The following TBC1D21 variants were observed in gnomAD, a reference collection of about 807,000 sequenced individuals.
TBC1D21 encodes TBC1 domain family member 21, also known as male germ cell Rab GTPase-activating protein.
A neutral mutation model predicts 46.0 loss-of-function variants in TBC1D21; 38 were observed. The ratio of observed to expected loss-of-function variants is 0.83; its 90% CI spans 0.64 to 1.08. The LOEUF (loss-of-function observed/expected upper bound fraction) is 1.08. TBC1D21 is among the 50% of genes least tolerant of loss of function. TBC1D21 has a pLI of 0.00. For synonymous variants in TBC1D21, 151 were observed against 157.2 expected (o/e 0.96, Z 0.29); for missense variants, 415 against 417.9 (o/e 0.99, Z 0.06).
Position 73,876,233 on chromosome 15 carries a change from T to G in TBC1D21, c.60+2464T>G, listed in dbSNP as rs1439600472. Among the ~76,000 whole-genome samples, 34 of 117,412 alleles carry G rather than the reference T, an allele frequency of 2.9e-4. 5 individuals carry two copies. The highest frequency in any genetic ancestry group is 9.2e-4 in the African/African-American group (27 of 29,262). The allele number at this position is 117,412 out of a possible 152,430, so 77.0% of individuals were successfully genotyped here. A position where few individuals can be genotyped will look rare whatever the true frequency, so the allele number is the denominator to read the frequency against. ...TTTTTTTTTTTTTTTTTTTTTTTTT[T>G]TTTTTTTTTTTTGAGACGGAGTCTT... On this transcript the variant is annotated intron_variant, in intron 1 of 10. Coordinates refer to ENST00000300504, the MANE Select transcript of TBC1D21 (RefSeq NM_153356.3).
intron 10 of TBC1D21, among the ~76,000 whole-genome samples, 165 bp downstream of exon 10, chr15:73,888,678 C>T (rs1191521804): frequency 6.6e-6 from 1 of 150,928 alleles, no homozygotes; most frequent in Non-Finnish European, 1.5e-5. Flanking sequence ...CCTCTTCCTC[C>T]TCCTCCTCTT....
rs546805491 is a variant in TBC1D21, at chr15:73,881,322, A to G, written c.61-77A>G. The G allele has an allele frequency of 9.9e-6, 11 of 1,106,694 alleles. No homozygotes were observed. In the East Asian group the frequency reaches 2.1e-4, roughly 21 times the overall value. The allele number at this position is 1,106,694 out of a possible 1,614,324, so 68.6% of individuals were successfully genotyped here. ...CGCTTTGATACATATTGCAAAGTCC[A>G]GAACATATTATTTAAAATCACACTT... On this transcript the variant is annotated intron_variant, in intron 1 of 10. Coordinates refer to ENST00000300504, the MANE Select transcript of TBC1D21 (RefSeq NM_153356.3).
chr15:73,890,803 C>T (rs1395028466), downstream of TBC1D21, among the ~76,000 whole-genome samples: 2 of 152,202 alleles, frequency 1.3e-5, no homozygotes, highest in Admixed American at 1.3e-4. Context: ...CTTTATTACA[C>T]AGTCCTTCCC....
downstream of TBC1D21, among the ~76,000 whole-genome samples, chr15:73,893,481 A>C (rs1384162117): frequency 6.6e-6 from 1 of 151,616 alleles, no homozygotes; most frequent in African/African-American, 2.4e-5. Flanking sequence ...CCTCTCTTTC[A>C]CTCTTCTTCT....
At chr15:73,895,385 C>A in the TBC1D21 span, among the ~76,000 whole-genome samples, 1 of 152,188 alleles carries the variant, frequency 6.6e-6, no homozygotes, top group Admixed American at 6.5e-5. Flanking sequence ...TCCTGGACCA[C>A]ACCAATGGCT....
chr15:73,895,718 G>A, the TBC1D21 span, among the ~76,000 whole-genome samples: 11 of 152,218 alleles, frequency 7.2e-5, no homozygotes, highest in African/African-American at 1.7e-4. Context: ...GTCTCTTTAC[G>A]TACGGGCATG....
the TBC1D21 span, among the ~76,000 whole-genome samples, chr15:73,904,569 C>A: frequency 1.3e-5 from 2 of 152,204 alleles, no homozygotes; most frequent in African/African-American, 4.8e-5. Context: ...CTGAGTATGT[C>A]TATGGGTTCA....
downstream of TBC1D21, among the ~76,000 whole-genome samples, chr15:73,892,740 C>T (rs1361601339): frequency 2.6e-5 from 4 of 152,246 alleles, no homozygotes; most frequent in Non-Finnish European, 4.4e-5. Flanking sequence ...AGCCGAATGC[C>T]TGCCAGGCTG....
At chr15:73,876,329 G>A (rs1337665269) in intron 1 of TBC1D21, among the ~76,000 whole-genome samples, 10 of 141,968 alleles carry the variant, frequency 7.0e-5, no homozygotes, top group African/African-American at 2.1e-4. Context: ...CTGGGTTCAC[G>A]TCATTCTCCT....
downstream of TBC1D21, among the ~76,000 whole-genome samples, chr15:73,889,879 T>C (rs1395355490): frequency 6.6e-6 from 1 of 152,224 alleles, no homozygotes; most frequent in Non-Finnish European, 1.5e-5. Context: ...CCTGAGCCCC[T>C]GTCCAGCCTG....
intron 1 of TBC1D21, among the ~76,000 whole-genome samples, chr15:73,875,259 A>AAAAG (rs1555428820): frequency 4.7e-4 from 69 of 146,772 alleles, no homozygotes; most frequent in African/African-American, 1.7e-3. Flanking sequence ...AAAAAAAAAA[A>AAAAG]AAGAAGAAGA....
chr15:73,905,624 A>T, the TBC1D21 span, among the ~76,000 whole-genome samples: 449 of 152,318 alleles, frequency 2.9e-3, 3 homozygotes, highest in African/African-American at 0.011. Flanking sequence ...GAGTATTTAC[A>T]CCATGGAAAT....
chr15:73,884,784 G>T lies in TBC1D21; in HGVS notation c.371G>T (p.Arg124Leu), dbSNP rs773244982. 7 of 1,613,608 alleles carry T rather than the reference G, an allele frequency of 4.3e-6. No homozygotes were observed. Among genetic ancestry groups the T allele is most frequent in the Non-Finnish European group, 5.1e-6 (6 of 1,179,734 alleles). ...TTGCCCCTTGCTTCCAACCTAGCAC[G>T]TGACATTCAGAAAATCTATGACAAA... is the stretch of plus-strand genomic sequence containing the variant. ...NFTETRNNIA[R>L]DIQKIYDKDP... Residue 124 changes from arginine to leucine, a missense_variant, in exon 5 of 11, where the codon CGT (arginine) becomes CTT (leucine). Physicochemically the swap from Arg to Leu is moderately radical, Grantham distance 102 (BLOSUM62 -2). Transcript: ENST00000300504.
chr15:73,889,497 T>G (rs2068318663), downstream of TBC1D21, among the ~76,000 whole-genome samples: 1 of 152,214 alleles, frequency 6.6e-6, no homozygotes, highest in Non-Finnish European at 1.5e-5. Flanking sequence ...TTAATAAGGA[T>G]TAGTTCATCT....
chr15:73,886,302 G>A, intron 7 of TBC1D21, 128 bp downstream of exon 7: 4 of 928,624 alleles, frequency 4.3e-6, no homozygotes, highest in Non-Finnish European at 6.7e-6. Flanking sequence ...GCTTCTCCAG[G>A]CCCTGGGAAG....
chr15:73,881,284 A>G, intron 1 of TBC1D21, 115 bp from the exon 2 acceptor site: 1 of 698,136 alleles, frequency 1.4e-6, no homozygotes. Context: ...TTTCCGAAGT[A>G]AGTCAGGCTG....
Position 73,884,839 on chromosome 15 carries a change from G to T in TBC1D21, c.426G>T (p.Lys142Asn), listed in dbSNP as rs374835664. 2.5e-6 allele frequency: 4 copies of T among 1,614,152 alleles called. No individual in the cohort carries two copies. Among genetic ancestry groups the T allele is most frequent in the Non-Finnish European group, 8.5e-7 (1 of 1,180,012 alleles). ...CCCTGGGCAACGTCCTCATCGACAA[G>T]AAGAGGCTAGAGAAGATCCTGCTCC... ...KDPLGNVLID[K>N]KRLEKILLLS... Residue 142 changes from lysine (K) to asparagine (N), a missense_variant, in exon 5 of 11, where the codon AAG becomes AAT. Lys to Asn is a moderately conservative substitution (Grantham distance 94). Transcript: ENST00000300504.
At chr15:73,895,038 C>T in the TBC1D21 span, among the ~76,000 whole-genome samples, 1 of 152,174 alleles carries the variant, frequency 6.6e-6, no homozygotes, top group African/African-American at 2.4e-5. Flanking sequence ...TCTGGGTGCA[C>T]ATTAGAATCA....
At position 73,884,196 on chromosome 15, in the gene TBC1D21, C is replaced by T. The variant is rs746632573; in HGVS notation, c.318C>T (p.Pro106=). Residue 106 remains proline, a synonymous_variant, in exon 4 of 11, where the codon CCC becomes CCT. Transcript: ENST00000300504. ...GCCAAATGTATGAGAAGATTCAGCC[C>T]CTTCTGGAAAACCTGCACCGGAACT... ...ALCQMYEKIQ[P]LLENLHRNFT... 21 of 1,614,074 alleles carry T rather than the reference C, an allele frequency of 1.3e-5. No individual in the cohort carries two copies. The highest frequency in any genetic ancestry group is 1.0e-4 in the Admixed American group (6 of 60,010).
Sources: gnomAD v4.1 joint callset for allele counts (sites outside exome capture counted in the v4.1 genomes callset) on GRCh38, gnomAD v4.1.1 for gene constraint, MANE v1.5 for transcripts, NCBI Gene and HGNC (gene_info 2026-07-23, HGNC 2026-07-21) for gene names.